The following MYBPC3 variants were observed in gnomAD, a reference collection of about 807,000 sequenced individuals.
MYBPC3 encodes myosin-binding protein C, cardiac-type.
In MYBPC3, 108 loss-of-function variants were observed where a neutral mutation model predicts 159.3. The ratio of observed to expected loss-of-function variants is 0.68; its 90% CI spans 0.58 to 0.80. The LOEUF (loss-of-function observed/expected upper bound fraction) is 0.80, where lower values mean the gene tolerates loss of function less well. Ranked by LOEUF, MYBPC3 falls within the 30% of genes least tolerant of loss-of-function variation. MYBPC3 has a pLI of 0.00. For missense variants in MYBPC3, 1,631 were observed against 1,762.1 expected (o/e 0.93, Z 1.33); for synonymous variants, 730 against 702.0 (o/e 1.04, Z -0.63).
At chr11:47,350,201 G>C (rs1379428510) in intron 3 of MYBPC3, 89 bp from the exon 4 acceptor site, 3 of 1,382,042 alleles carry the variant, frequency 2.2e-6, no homozygotes, top group Non-Finnish European at 3.0e-6. Flanking sequence ...TCGGCTCACT[G>C]CAAGCTCCGC....
In MYBPC3 at chr11:47,333,198, G is replaced by A. The variant is rs397516016; in HGVS notation, c.3326C>T (p.Thr1109Ile). 7.0e-5 allele frequency: 112 copies of A among 1,602,382 alleles called. No individual in the cohort carries two copies. The highest frequency in any genetic ancestry group is 6.7e-5 in the African/African-American group (5 of 74,912). ...GYTVQKADKK[T>I]MEWFTVLEHY... ...GACCCCAGACCCTGGGCTCACCATG[G>A]TCTTCTTGTCGGCTTTCTGCACTGT... The change falls in exon 30 of 35, where the codon ACC becomes ATC. Residue 1109 changes from threonine (T) to isoleucine (I), a missense_variant. By Grantham distance (89) the Thr-to-Ile change is moderately conservative. Coordinates refer to ENST00000545968, the MANE Select transcript of MYBPC3 (RefSeq NM_000256.3).
At chr11:47,341,066 C>A in intron 19 of MYBPC3, 34 bp from the exon 20 acceptor site, 2 of 1,572,172 alleles carry the variant, frequency 1.3e-6, no homozygotes, top group East Asian at 2.3e-5. Context: ...AGCACGGGGG[C>A]AAAGGCAGGG....
chr11:47,340,688 AAAG>A (rs542107230), intron 20 of MYBPC3, among the ~76,000 whole-genome samples: 62 of 152,174 alleles, frequency 4.1e-4, no homozygotes, highest in Non-Finnish European at 7.9e-4. Flanking sequence ...AAATAAAAAA[AAAG>A]GAAGAAGAAG....
chr11:47,346,383 G>A lies in MYBPC3; in HGVS notation c.927-13C>T. On this transcript the variant is annotated splice_polypyrimidine_tract_variant and intron_variant, in intron 11 of 34. Transcript: ENST00000545968. This position sits in a 1 kb window ranked among gnomAD's most constrained non-coding sequence, Gnocchi z 5.3. ...CAGCTTCGAGTCCCTGTGTCCCGCA[G>A]TCTAGGCTGTGGCCGGGGGCAAGAC... 1 of 1,557,678 alleles carries A rather than the reference G, an allele frequency of 6.4e-7. No individual in the cohort carries two copies. The highest frequency in any genetic ancestry group is 1.9e-5 in the Admixed American group (1 of 53,620).
In MYBPC3 at chr11:47,331,542, C is replaced by T. The variant is rs2095874475; in HGVS notation, c.*201G>A. 6.6e-6 allele frequency: 2 copies of T among 303,004 alleles called. No individual in the cohort carries two copies. Among genetic ancestry groups the T allele is most frequent in the Non-Finnish European group, 1.2e-5 (2 of 163,620 alleles). 18.8% of individuals were successfully genotyped at this position (303,004 alleles called of 1,614,324 possible). On this transcript the variant is annotated 3_prime_UTR_variant, in exon 35 of 35. Transcript: ENST00000545968. ...ACCCCAAAGATCCAGGGGCTTCCTT[C>T]AGGAGCCCTGTGGACCAGTCTGTGC... is the stretch of plus-strand genomic sequence containing the variant.
In MYBPC3 at chr11:47,332,803, G is replaced by A; in HGVS notation, c.3490+11C>T. 6.2e-7 allele frequency: 1 copy of A among 1,601,596 alleles called. No individual in the cohort carries two copies. The highest frequency in any genetic ancestry group is 8.5e-7 in the Non-Finnish European group (1 of 1,173,856). On this transcript the variant is annotated intron_variant, in intron 31 of 34. Coordinates refer to ENST00000545968, the MANE Select transcript of MYBPC3 (RefSeq NM_000256.3). This position sits in a 1 kb window ranked among gnomAD's most constrained non-coding sequence, Gnocchi z 4.2. ...CCCCAGCCCCTGGTTGGAAGAATGA[G>A]GGTACAGCACCTGGTCTGGGGATAA...
Position 47,347,576 on chromosome 11 carries a change from C to A in MYBPC3, c.851+75G>T. 3 of 1,557,094 alleles carry A rather than the reference C, an allele frequency of 1.9e-6. No individual in the cohort carries two copies. In the South Asian group the frequency reaches 3.5e-5, roughly 18 times the overall value. ...GTGGGGAGGGAGAAAGGGACACTAG[C>A]CAGATTGGGCTCCCACCCGTCTCAG... On this transcript the variant is annotated intron_variant, in intron 8 of 34. Transcript: ENST00000545968.
intron 3 of MYBPC3, 115 bp downstream of exon 3, chr11:47,350,387 A>G (rs946624992): frequency 1.8e-5 from 27 of 1,490,370 alleles, no homozygotes; most frequent in Non-Finnish European, 2.1e-5. Flanking sequence ...GGCCTCCCAA[A>G]GTACTGGGGA....
In MYBPC3 at chr11:47,346,382, A is replaced by C; in HGVS notation, c.927-12T>G. ...CCAGCTTCGAGTCCCTGTGTCCCGC[A>C]GTCTAGGCTGTGGCCGGGGGCAAGA... On this transcript the variant is annotated splice_polypyrimidine_tract_variant and intron_variant, in intron 11 of 34. Coordinates refer to ENST00000545968, the MANE Select transcript of MYBPC3 (RefSeq NM_000256.3). This position sits in a 1 kb window ranked among gnomAD's most constrained non-coding sequence, Gnocchi z 5.3. 1 of 1,560,656 alleles carries C rather than the reference A, an allele frequency of 6.4e-7. No individual in the cohort carries two copies. The highest frequency in any genetic ancestry group is 8.7e-7 in the Non-Finnish European group (1 of 1,150,164).
chr11:47,342,615 A>G lies in MYBPC3; in HGVS notation c.1587T>C (p.Thr529=), dbSNP rs1192051722. 1 of 1,613,436 alleles carries G rather than the reference A, an allele frequency of 6.2e-7. No individual in the cohort carries two copies. The highest frequency in any genetic ancestry group is 8.5e-7 in the Non-Finnish European group (1 of 1,179,612). ...LEDAGHYALC[T]SGGQALAELI... is the part of the protein sequence containing the mutation. ...GCTCAGCCAGCGCCTGGCCCCCGCT[A>G]GTGCACAGTGCATAGTGCCCCGCGT... is the stretch of plus-strand genomic sequence containing the variant. The change falls in exon 17 of 35, where the codon ACT becomes ACC. Residue 529 remains threonine (T), a synonymous_variant. Transcript: ENST00000545968.
At position 47,342,592 on chromosome 11, in the gene MYBPC3, T is replaced by C; in HGVS notation, c.1610A>G (p.Glu537Gly). The C allele has an allele frequency of 6.2e-7, 1 of 1,605,060 alleles. No individual in the cohort carries two copies. The highest frequency in any genetic ancestry group is 8.5e-7 in the Non-Finnish European group (1 of 1,174,946). The change falls in exon 17 of 35, where the codon GAG becomes GGG. Residue 537 changes from glutamate (E) to glycine (G), a missense_variant. Physicochemically the swap from Glu to Gly is moderately conservative, Grantham distance 98. Transcript: ENST00000545968. ...LCTSGGQALAELIVQEKKLEV... is the reference protein window; with the variant it reads ...LCTSGGQALAGLIVQEKKLEV... The stretch of plus-strand genomic sequence containing the variant: ...GCCAGGCTCACCCTGCACAATGAGC[T>C]CAGCCAGCGCCTGGCCCCCGCTAGT...
At position 47,351,388 on chromosome 11, in the gene MYBPC3, T is replaced by C; in HGVS notation, c.143A>G (p.Asp48Gly). The part of the protein sequence containing the change: ...VKVRWQRGGS[D>G]ISASNKYGLA... ...GCCGTACTTGTTGCTGGCGCTGATG[T>C]CACTGCCTCCGCGCTGCCAGCGCAC... The change falls in exon 2 of 35, where the codon GAC becomes GGC. Residue 48 changes from aspartate (D) to glycine (G), a missense_variant. Asp to Gly is a moderately conservative substitution (Grantham distance 94). Coordinates refer to ENST00000545968, the MANE Select transcript of MYBPC3 (RefSeq NM_000256.3). This position sits in a 1 kb window ranked among gnomAD's most constrained non-coding sequence, Gnocchi z 4.2. The C allele has an allele frequency of 1.2e-6, 2 of 1,609,670 alleles. No individual in the cohort carries two copies. The highest frequency in any genetic ancestry group is 1.7e-6 in the Non-Finnish European group (2 of 1,178,456).
At position 47,348,595 on chromosome 11, in the gene MYBPC3, G is replaced by C. The variant is rs374223648; in HGVS notation, c.655-54C>G. ...GGGACACCAGGGGCCGGGAGACAAG[G>C]CTCCGCACCCTTAAAGGAGACTGGG... On this transcript the variant is annotated intron_variant, in intron 5 of 34. Coordinates refer to ENST00000545968, the MANE Select transcript of MYBPC3 (RefSeq NM_000256.3). 6.4e-4 allele frequency: 913 copies of C among 1,421,320 alleles called. 10 individuals are homozygous for C. The African/African-American group carries it at 0.011, about 17-fold the overall frequency. The allele number at this position is 1,421,320 out of a possible 1,614,324, so 88.0% of individuals were successfully genotyped here.
At position 47,332,321 on chromosome 11, in the gene MYBPC3, C is replaced by T; in HGVS notation, c.3628-63G>A. On this transcript the variant is annotated intron_variant, in intron 32 of 34. Coordinates refer to ENST00000545968, the MANE Select transcript of MYBPC3 (RefSeq NM_000256.3). The surrounding 1 kb of genome is among the most constrained non-coding windows in gnomAD (Gnocchi z 4.2). ...GGCTGAGAGGGGACCTGGCAGGGACCCAGGGAGACACATCTGTGTTTCTAC... is the reference window on the plus strand; with the variant it reads ...GGCTGAGAGGGGACCTGGCAGGGACTCAGGGAGACACATCTGTGTTTCTAC... 1 of 1,562,714 alleles carries T rather than the reference C, an allele frequency of 6.4e-7. No homozygotes were observed. Among genetic ancestry groups the T allele is most frequent in the Non-Finnish European group, 8.8e-7 (1 of 1,135,200 alleles).
intron 6 of MYBPC3, among the ~76,000 whole-genome samples, chr11:47,348,111 C>T (rs779511847): frequency 1.3e-5 from 2 of 152,180 alleles, no homozygotes; most frequent in African/African-American, 4.8e-5. Context: ...TCCCCAATTC[C>T]CACCCATCTC....
chr11:47,340,861 G>T, intron 20 of MYBPC3, 142 bp downstream of exon 20: 1 of 944,398 alleles, frequency 1.1e-6, no homozygotes, highest in Non-Finnish European at 1.5e-6. Context: ...TTGACCCATG[G>T]TCATGAGTGG....
In MYBPC3 at chr11:47,346,153, T is replaced by G; in HGVS notation, c.1090+54A>C. 1 of 1,605,026 alleles carries G rather than the reference T, an allele frequency of 6.2e-7. No individual in the cohort carries two copies. The highest frequency in any genetic ancestry group is 8.5e-7 in the Non-Finnish European group (1 of 1,174,796). On this transcript the variant is annotated intron_variant, in intron 12 of 34. Coordinates refer to ENST00000545968, the MANE Select transcript of MYBPC3 (RefSeq NM_000256.3). The surrounding 1 kb of genome is among the most constrained non-coding windows in gnomAD (Gnocchi z 5.3). ...CTAACCTATGCCCTCTCCTCTCCTG[T>G]GTAGGGAAGGGCTAGCCTGTGCCCT...
intron 15 of MYBPC3, 29 bp from the exon 16 acceptor site, chr11:47,342,964 G>T (rs773266280): frequency 1.2e-6 from 2 of 1,611,688 alleles, no homozygotes; most frequent in Non-Finnish European, 1.7e-6. Context: ...CATGAGGGTT[G>T]GCTCCCCTGA....
At position 47,342,716 on chromosome 11, in the gene MYBPC3, C is replaced by G. The variant is rs1057517768; in HGVS notation, c.1486G>C (p.Glu496Gln). ...TTGAACCGGTATTTGAAGGTCTCCT[C>G]CCGGGTCAGCTCCACCCCGTCCTTC... Reference protein sequence around the residue: ...WLKDGVELTREETFKYRFKKD... With the variant: ...WLKDGVELTRQETFKYRFKKD... Residue 496 changes from glutamate (E) to glutamine (Q), a missense_variant, in exon 17 of 35, where the codon GAG becomes CAG. Transcript: ENST00000545968. 2 of 1,614,038 alleles carry G rather than the reference C, an allele frequency of 1.2e-6. No homozygotes were observed. The highest frequency in any genetic ancestry group is 1.7e-6 in the Non-Finnish European group (2 of 1,179,890).
Sources: gnomAD v4.1 joint callset for allele counts (sites outside exome capture counted in the v4.1 genomes callset) on GRCh38, gnomAD v4.1.1 for gene constraint, Gnocchi (gnomAD v3.1) non-coding constraint, MANE v1.5 for transcripts, NCBI Gene and HGNC (gene_info 2026-07-23, HGNC 2026-07-21) for gene names.